Variants in NOSTRIN observed in about 807,000 individuals in gnomAD.
NOSTRIN encodes the protein BM247 homolog.
NOSTRIN carries 63 observed loss-of-function variants against 59.0 expected under a neutral mutation model. The observed-to-expected ratio is 1.07, with a 90% confidence interval of 0.87 to 1.32. The LOEUF is 1.32. Among genes scored for constraint, NOSTRIN ranks in the 40% most tolerant of loss-of-function variants. NOSTRIN has a pLI of 0.00. For missense variants in NOSTRIN, 512 were observed against 473.1 expected, an observed-to-expected ratio of 1.08 and a Z score of -0.76; for synonymous variants, 200 against 165.4, an observed-to-expected ratio of 1.21 and a Z score of -1.61.
intron 2 of NOSTRIN, among the ~76,000 whole-genome samples, chr2:168,812,292 A>G (rs1458313756): frequency 6.6e-6 from 1 of 152,150 alleles, no homozygotes; most frequent in African/African-American, 2.4e-5. Flanking sequence ...TAGCTCCGTA[A>G]TAAGCAACTC....
At chr2:168,845,722 C>T (rs1256829742) in intron 8 of NOSTRIN, among the ~76,000 whole-genome samples, 1 of 151,376 alleles carries the variant, frequency 6.6e-6, no homozygotes, top group Non-Finnish European at 1.5e-5. Context: ...CATTCATTTA[C>T]ATTTCAAAAG....
chr2:168,789,808 G>A (rs144995206), intron 2 of NOSTRIN, among the ~76,000 whole-genome samples: 34 of 152,314 alleles, frequency 2.2e-4, no homozygotes, highest in African/African-American at 7.2e-4. Flanking sequence ...AAGTCAGACC[G>A]AGAAACAAAG....
At chr2:168,818,508 T>C (rs1006554185) in intron 2 of NOSTRIN, among the ~76,000 whole-genome samples, 4 of 152,218 alleles carry the variant, frequency 2.6e-5, no homozygotes, top group African/African-American at 9.6e-5. Context: ...CTACAGTTTG[T>C]TTTTTAAACT....
At chr2:168,822,268 G>C (rs1686785806) in intron 2 of NOSTRIN, among the ~76,000 whole-genome samples, 1 of 152,164 alleles carries the variant, frequency 6.6e-6, no homozygotes. Flanking sequence ...GTTTTCTGCA[G>C]CTAGGCCTTA....
intron 7 of NOSTRIN, among the ~76,000 whole-genome samples, chr2:168,840,345 A>G (rs1688002209): frequency 6.6e-6 from 1 of 152,042 alleles, no homozygotes; most frequent in South Asian, 2.1e-4. Context: ...CCGGGCTAAC[A>G]TGGTGAAACC....
intron 1 of NOSTRIN, among the ~76,000 whole-genome samples, chr2:168,807,707 G>A (rs1370053390): frequency 6.6e-6 from 1 of 152,120 alleles, no homozygotes; most frequent in Non-Finnish European, 1.5e-5. Context: ...CCGTTGAATT[G>A]GCAGAGTATG....
chr2:168,842,863 G>A (rs1296486152), intron 7 of NOSTRIN, 129 bp from the exon 8 acceptor site: 2 of 664,220 alleles, frequency 3.0e-6, no homozygotes, highest in East Asian at 5.2e-5. Flanking sequence ...GTCAACTATA[G>A]TCACTGTTTA....
At chr2:168,815,829 T>C (rs73969963) in intron 2 of NOSTRIN, among the ~76,000 whole-genome samples, 2,177 of 152,228 alleles carry the variant, frequency 0.014, 46 homozygotes, top group African/African-American at 0.046. Context: ...ACAAAGTCAA[T>C]ATGTCTAAAA....
intron 8 of NOSTRIN, among the ~76,000 whole-genome samples, chr2:168,846,007 T>G (rs1223934831): frequency 6.6e-6 from 1 of 152,146 alleles, no homozygotes; most frequent in Admixed American, 6.5e-5. Context: ...CTGAGAGCCA[T>G]CTCAAGCCCA....
intron 5 of NOSTRIN, among the ~76,000 whole-genome samples, chr2:168,828,982 T>C (rs1404770695): frequency 6.6e-6 from 1 of 152,092 alleles, no homozygotes; most frequent in Non-Finnish European, 1.5e-5. Flanking sequence ...GATGGTGAAA[T>C]TGGAGGTTAT....
chr2:168,806,779 G>T (rs1215212416), intron 1 of NOSTRIN, among the ~76,000 whole-genome samples: 1 of 152,060 alleles, frequency 6.6e-6, no homozygotes, highest in Admixed American at 6.6e-5. Context: ...TTTGATAGGG[G>T]GTTAGGATAT....
chr2:168,822,073 T>TG (rs755064363), intron 2 of NOSTRIN, among the ~76,000 whole-genome samples: 13 of 152,232 alleles, frequency 8.5e-5, no homozygotes, highest in Non-Finnish European at 1.8e-4. Context: ...TCAAGGGTGA[T>TG]GGTCTCTCCC....
intron 12 of NOSTRIN, chr2:168,858,974 G>T (rs966358494): frequency 1.3e-5 from 2 of 152,378 alleles, no homozygotes; most frequent in African/African-American, 4.8e-5. Context: ...GACTTATTAT[G>T]TTTATACTCA....
At chr2:168,837,259 T>C (rs1380704605) in intron 7 of NOSTRIN, among the ~76,000 whole-genome samples, 2 of 150,824 alleles carry the variant, frequency 1.3e-5, no homozygotes, top group Admixed American at 1.3e-4. Context: ...GTCTCCTTTT[T>C]ACAATACATC....
chr2:168,842,937 C>G, intron 7 of NOSTRIN, 55 bp from the exon 8 acceptor site: 1 of 850,088 alleles, frequency 1.2e-6, no homozygotes, highest in Non-Finnish European at 2.0e-6. Flanking sequence ...TATGGAATTA[C>G]AAAGGGCTTT....
At chr2:168,850,249 C>T (rs1417357900) in intron 8 of NOSTRIN, among the ~76,000 whole-genome samples, 1 of 152,096 alleles carries the variant, frequency 6.6e-6, no homozygotes, top group African/African-American at 2.4e-5. Context: ...AAATGTGATT[C>T]CCCTCACTTT....
chr2:168,844,601 G>C (rs1688295362), intron 8 of NOSTRIN, among the ~76,000 whole-genome samples: 1 of 152,088 alleles, frequency 6.6e-6, no homozygotes, highest in African/African-American at 2.4e-5. Context: ...ATTCAGCCTG[G>C]GCGGCACGCC....
chr2:168,861,816 A>T, intron 14 of NOSTRIN, 144 bp from the exon 15 acceptor site: 1 of 683,730 alleles, frequency 1.5e-6, no homozygotes, highest in Non-Finnish European at 2.5e-6. Flanking sequence ...AGGAATGAAC[A>T]TTATATAAAA....
intron 8 of NOSTRIN, among the ~76,000 whole-genome samples, chr2:168,847,590 C>G (rs1274790088): frequency 6.6e-6 from 1 of 152,200 alleles, no homozygotes; most frequent in Non-Finnish European, 1.5e-5. Context: ...ACAGCAAGAA[C>G]TGGAAGGAAC....
Sources: allele counts gnomAD v4.1 joint callset (sites outside exome capture counted in the v4.1 genomes callset), GRCh38; gene constraint gnomAD v4.1.1; transcripts MANE v1.5; gene names NCBI Gene and HGNC (gene_info 2026-07-23, HGNC 2026-07-21).